Variants in RBFOX2 observed in about 807,000 individuals in gnomAD.
RBFOX2 encodes RNA binding protein fox-1 homolog 2.
RBFOX2 carries 10 observed loss-of-function variants against 49.1 expected under a neutral mutation model. The ratio of observed to expected loss-of-function variants is 0.20; its 90% CI spans 0.13 to 0.35. RBFOX2 has a LOEUF of 0.35. RBFOX2 is among the 10% of genes least tolerant of loss of function. RBFOX2 has a pLI of 1.00. For synonymous variants in RBFOX2, 183 were observed against 187.4 expected, an observed-to-expected ratio of 0.98 and a Z score of 0.19; for missense variants, 323 against 486.9, an observed-to-expected ratio of 0.66 and a Z score of 3.17.
chr22:35,905,746 G>A (rs1443065693), intron 1 of RBFOX2, among the ~76,000 whole-genome samples: 1 of 152,028 alleles, frequency 6.6e-6, no homozygotes. Context: ...CTTGGGGGAG[G>A]GGGATGAGGA....
At chr22:35,787,180 C>T (rs921068347) in intron 2 of RBFOX2, among the ~76,000 whole-genome samples, 46 of 152,106 alleles carry the variant, frequency 3.0e-4, no homozygotes, top group African/African-American at 1.1e-3. Context: ...GCTGGGACTA[C>T]AGGTGCGAGC....
At chr22:35,881,371 T>A (rs1345414309) in intron 1 of RBFOX2, among the ~76,000 whole-genome samples, 1 of 151,712 alleles carries the variant, frequency 6.6e-6, no homozygotes, top group Non-Finnish European at 1.5e-5. Flanking sequence ...AGATCATGCA[T>A]TCAAGACCAG....
intron 1 of RBFOX2, among the ~76,000 whole-genome samples, chr22:35,839,119 A>G (rs1368345287): frequency 6.6e-6 from 1 of 152,228 alleles, no homozygotes; most frequent in Non-Finnish European, 1.5e-5. Flanking sequence ...AGAAACCTGG[A>G]GTGAAACTGA....
At chr22:35,841,414 G>A (rs1958733820), upstream of RBFOX2, among the ~76,000 whole-genome samples, 1 of 152,110 alleles carries the variant, frequency 6.6e-6, no homozygotes, top group Non-Finnish European at 1.5e-5. Flanking sequence ...ATGTGGTTCA[G>A]TCCAGAAGTT....
intron 1 of RBFOX2, among the ~76,000 whole-genome samples, chr22:35,866,759 G>A (rs5750188): frequency 0.029 from 4,379 of 152,192 alleles, 94 homozygotes; most frequent in East Asian, 0.042. Flanking sequence ...CAAGAAAAGG[G>A]GTGGCCTAGC....
chr22:35,825,119 C>T (rs2148531844), intron 1 of RBFOX2, among the ~76,000 whole-genome samples: 1 of 152,304 alleles, frequency 6.6e-6, no homozygotes, highest in Non-Finnish European at 1.5e-5. Context: ...ACTTGGGAGG[C>T]TGAGACAGTA....
chr22:35,781,618 G>T (rs1322545038), exon 3 of RBFOX2: 2 of 1,613,984 alleles, frequency 1.2e-6, no homozygotes, highest in African/African-American at 1.3e-5. Context: ...TCTGCCGGAG[G>T]TCAGGGTCCC....
chr22:35,783,878 T>C (rs1371708685), intron 2 of RBFOX2, among the ~76,000 whole-genome samples: 1 of 152,124 alleles, frequency 6.6e-6, no homozygotes, highest in South Asian at 2.1e-4. Flanking sequence ...CACTATCAAC[T>C]CACACCAATT....
intron 1 of RBFOX2, among the ~76,000 whole-genome samples, chr22:35,914,732 G>C (rs539825378): frequency 6.6e-6 from 1 of 152,336 alleles, no homozygotes; most frequent in Admixed American, 6.5e-5. Context: ...GTTCCCAAAG[G>C]GGTGGGGAAG....
chr22:36,006,272 T>C (rs994082752), intron 1 of RBFOX2, among the ~76,000 whole-genome samples: 1 of 152,196 alleles, frequency 6.6e-6, no homozygotes, highest in South Asian at 2.1e-4. Context: ...AAGTGCTTCA[T>C]GTAAATTCAA....
chr22:36,009,205 A>C (rs532050519), intron 1 of RBFOX2, among the ~76,000 whole-genome samples: 2 of 152,332 alleles, frequency 1.3e-5, no homozygotes, highest in East Asian at 1.9e-4. Context: ...GTGCTATAAC[A>C]ACCACCATAA....
chr22:35,926,623 T>G (rs910994724), intron 1 of RBFOX2, among the ~76,000 whole-genome samples: 2 of 151,980 alleles, frequency 1.3e-5, no homozygotes, highest in Admixed American at 1.3e-4. Context: ...GGGGGAAAAG[T>G]CAAACTGCGG....
intron 1 of RBFOX2, among the ~76,000 whole-genome samples, chr22:36,005,391 C>A (rs1185442753): frequency 1.3e-5 from 2 of 152,182 alleles, no homozygotes; most frequent in African/African-American, 4.8e-5. Flanking sequence ...GTGAACGATT[C>A]TTAATTCTGC....
At chr22:35,908,480 T>C (rs1308017413) in intron 1 of RBFOX2, among the ~76,000 whole-genome samples, 2 of 152,202 alleles carry the variant, frequency 1.3e-5, no homozygotes, top group African/African-American at 4.8e-5. Context: ...GTGTTGAATA[T>C]CTCATGTAAT....
intron 1 of RBFOX2, among the ~76,000 whole-genome samples, chr22:35,930,469 T>C (rs1479622745): frequency 6.6e-6 from 1 of 152,144 alleles, no homozygotes; most frequent in East Asian, 1.9e-4. Flanking sequence ...TATTATATAT[T>C]CACAAATCAA....
At chr22:36,026,465 G>T (rs2059437737) in intron 1 of RBFOX2, among the ~76,000 whole-genome samples, 1 of 151,616 alleles carries the variant, frequency 6.6e-6, no homozygotes, top group African/African-American at 2.4e-5. Flanking sequence ...CAGATAATAG[G>T]CCCCAGGAGT....
At chr22:35,806,501 G>A (rs191606723) in intron 2 of RBFOX2, among the ~76,000 whole-genome samples, 14 of 152,222 alleles carry the variant, frequency 9.2e-5, no homozygotes, top group Admixed American at 8.5e-4. Flanking sequence ...TTAGTAATAA[G>A]TTGTGATAAG....
At chr22:35,831,143 C>G (rs115789023) in intron 1 of RBFOX2, among the ~76,000 whole-genome samples, 1 of 152,160 alleles carries the variant, frequency 6.6e-6, no homozygotes, top group African/African-American at 2.4e-5. Context: ...CATGGTTTTA[C>G]GTTTTTAAAT....
chr22:35,880,449 A>C (rs2045735297), intron 1 of RBFOX2, among the ~76,000 whole-genome samples: 1 of 152,204 alleles, frequency 6.6e-6, no homozygotes, highest in South Asian at 2.1e-4. Flanking sequence ...GTAGGCAGTT[A>C]GATATGAGCT....
Sources: gnomAD v4.1 joint callset for allele counts (sites outside exome capture counted in the v4.1 genomes callset) on GRCh38, gnomAD v4.1.1 for gene constraint, MANE v1.5 for transcripts, NCBI Gene and HGNC (gene_info 2026-07-23, HGNC 2026-07-21) for gene names.